The following IQCM variants were observed in gnomAD, a reference collection of about 807,000 sequenced individuals.
IQCM encodes IQ motif containing M.
Under a neutral mutation model 57.6 loss-of-function variants are expected in IQCM, and 45 were observed. The ratio of observed to expected loss-of-function variants is 0.78; its 90% CI spans 0.62 to 1.00. The LOEUF is 1.00. Among genes scored for constraint, IQCM ranks in the 50% least tolerant of loss-of-function variants. The probability of loss-of-function intolerance (pLI) is 0.00; values close to 1 mark genes in which losing one functional copy is unlikely to be tolerated. For synonymous variants in IQCM, 148 were observed against 158.9 expected (o/e 0.93, Z 0.51); for missense variants, 468 against 511.6 (o/e 0.91, Z 0.82).
chr4:149,771,663 A>G (rs1031985968), intron 2 of IQCM, among the ~76,000 whole-genome samples: 1 of 152,026 alleles, frequency 6.6e-6, no homozygotes. Flanking sequence ...TTATAGTGAG[A>G]TTACATTGTA....
intron 5 of IQCM, among the ~76,000 whole-genome samples, chr4:149,698,596 ATT>A (rs1763518926): frequency 6.6e-6 from 1 of 152,124 alleles, no homozygotes; most frequent in Admixed American, 6.6e-5. Flanking sequence ...AAACGTAACT[ATT>A]TTCAGAAATC....
chr4:149,757,652 C>T (rs1455736736), intron 2 of IQCM, among the ~76,000 whole-genome samples: 1 of 152,040 alleles, frequency 6.6e-6, no homozygotes, highest in East Asian at 1.9e-4. Context: ...TGAATTCATA[C>T]GTACCTAACA....
chr4:149,470,920 T>G (rs1739455564), intron 12 of IQCM, among the ~76,000 whole-genome samples: 1 of 152,158 alleles, frequency 6.6e-6, no homozygotes, highest in African/African-American at 2.4e-5. Context: ...TTGAAATTAA[T>G]GAGAACAAAG....
Position 149,791,392 on chromosome 4 carries a change from T to C in IQCM, c.-49+23919A>G, listed in dbSNP as rs1438322583. Reference sequence around the variant, plus strand: ...ATCAAATCCAAGTAATTAGGAGAGCTATCTCCTCAAGGATTTGTCATTTCT... The same window carrying C: ...ATCAAATCCAAGTAATTAGGAGAGCCATCTCCTCAAGGATTTGTCATTTCT... On this transcript the variant is annotated intron_variant, in intron 2 of 13. Transcript: ENST00000636793. Among the ~76,000 whole-genome samples the C allele has an allele frequency of 2.0e-5, 3 of 152,190 alleles. No individual in the cohort carries two copies. The East Asian group carries it at 5.8e-4, about 29-fold the overall frequency.
chr4:149,755,879 A>G (rs1006924416), intron 2 of IQCM, among the ~76,000 whole-genome samples: 42 of 152,116 alleles, frequency 2.8e-4, no homozygotes, highest in African/African-American at 9.9e-4. Context: ...CCGCCATGCA[A>G]TCCTCTATGC....
chr4:149,512,292 TATCAA>T (rs1744508622), intron 12 of IQCM, among the ~76,000 whole-genome samples: 1 of 152,056 alleles, frequency 6.6e-6, no homozygotes, highest in Admixed American at 6.6e-5. Context: ...GGAATAGAAA[TATCAA>T]AGAAAGTGGA....
chr4:149,636,452 C>T (rs1330235887), intron 7 of IQCM, among the ~76,000 whole-genome samples: 2 of 152,084 alleles, frequency 1.3e-5, no homozygotes, highest in East Asian at 3.9e-4. Context: ...TAAGAGAGAC[C>T]TCCTCCATGA....
intron 12 of IQCM, among the ~76,000 whole-genome samples, chr4:149,453,719 G>C (rs1737375493): frequency 6.6e-6 from 1 of 151,742 alleles, no homozygotes; most frequent in African/African-American, 2.4e-5. Context: ...GAAAATAACA[G>C]GTGACAGCAA....
intron 13 of IQCM, among the ~76,000 whole-genome samples, chr4:149,389,212 C>T (rs952725377): frequency 3.6e-4 from 54 of 151,900 alleles, no homozygotes; most frequent in African/African-American, 1.2e-3. Context: ...CATGTGGATA[C>T]ACAGTTGTCC....
intron 5 of IQCM, among the ~76,000 whole-genome samples, chr4:149,707,828 T>A (rs982271052): frequency 1.4e-4 from 21 of 152,040 alleles, no homozygotes; most frequent in Admixed American, 1.3e-4. Context: ...TTCCAGACCC[T>A]TCAGAGACCC....
chr4:149,710,757 A>G (rs1486026103), intron 5 of IQCM, among the ~76,000 whole-genome samples: 4 of 152,230 alleles, frequency 2.6e-5, no homozygotes, highest in Middle Eastern at 3.4e-3. Flanking sequence ...TCTCCAATCT[A>G]TAGCACAATA....
At chr4:149,370,522 T>TATAC (rs1553956398) in intron 13 of IQCM, among the ~76,000 whole-genome samples, 1 of 151,526 alleles carries the variant, frequency 6.6e-6, no homozygotes, top group Non-Finnish European at 1.5e-5. Context: ...TATATATATA[T>TATAC]ACACACACAC....
intron 12 of IQCM, among the ~76,000 whole-genome samples, chr4:149,480,167 GT>G (rs1028372024): frequency 1.3e-5 from 2 of 151,768 alleles, no homozygotes; most frequent in Non-Finnish European, 2.9e-5. Context: ...ATTTTTTTTA[GT>G]TTTTTTCTTT....
intron 13 of IQCM, among the ~76,000 whole-genome samples, chr4:149,373,210 C>T (rs1730480609): frequency 1.3e-5 from 2 of 152,226 alleles, no homozygotes; most frequent in Admixed American, 6.6e-5. Context: ...ACTACCCTTA[C>T]ATGACACCTA....
intron 12 of IQCM, among the ~76,000 whole-genome samples, chr4:149,538,061 G>T (rs1330707675): frequency 2.7e-5 from 4 of 150,924 alleles, no homozygotes; most frequent in African/African-American, 9.7e-5. Flanking sequence ...ATATACATTT[G>T]CAGATATCTT....
At chr4:149,521,323 T>A (rs1745618305) in intron 12 of IQCM, among the ~76,000 whole-genome samples, 1 of 151,978 alleles carries the variant, frequency 6.6e-6, no homozygotes, top group Admixed American at 6.6e-5. Context: ...CAAGGCAAGG[T>A]AAGCGGAAGG....
At chr4:149,773,004 C>T (rs766795025) in intron 2 of IQCM, among the ~76,000 whole-genome samples, 9 of 152,178 alleles carry the variant, frequency 5.9e-5, no homozygotes, top group Admixed American at 6.5e-5. Flanking sequence ...TAAGTGGACA[C>T]AGATTTTGCA....
At chr4:149,393,985 T>C (rs1732045320) in intron 13 of IQCM, among the ~76,000 whole-genome samples, 1 of 152,004 alleles carries the variant, frequency 6.6e-6, no homozygotes. Context: ...AGGGTGGATC[T>C]AAAAACACTG....
intron 12 of IQCM, among the ~76,000 whole-genome samples, chr4:149,460,626 A>G (rs559088737): frequency 1.4e-4 from 22 of 152,268 alleles, no homozygotes; most frequent in Admixed American, 2.6e-4. Context: ...ATCAATAGTA[A>G]TATTTTGAAA....
Sources: gnomAD v4.1 joint callset for allele counts (sites outside exome capture counted in the v4.1 genomes callset) on GRCh38, gnomAD v4.1.1 for gene constraint, MANE v1.5 for transcripts, NCBI Gene and HGNC (gene_info 2026-07-23, HGNC 2026-07-21) for gene names.